Variants in ROBO2 observed in about 807,000 individuals in gnomAD.
The protein encoded by ROBO2 is roundabout guidance receptor 2, also known as roundabout homolog 2.
ROBO2 carries 53 observed loss-of-function variants against 160.8 expected under a neutral mutation model. That is an observed-to-expected ratio of 0.33 (90% CI 0.26 to 0.41). The LOEUF is 0.41. ROBO2 is among the 10% of genes least tolerant of loss of function. The probability of loss-of-function intolerance (pLI) is 1.00; values close to 1 mark genes in which losing one functional copy is unlikely to be tolerated. For synonymous variants in ROBO2, 664 were observed against 611.7 expected (o/e 1.09, Z -1.26); for missense variants, 1,577 against 1,722.4 (o/e 0.92, Z 1.49).
intron 2 of ROBO2, among the ~76,000 whole-genome samples, chr3:77,236,378 G>A (rs2087980630): frequency 6.6e-6 from 1 of 152,148 alleles, no homozygotes; most frequent in Non-Finnish European, 1.5e-5. Flanking sequence ...CGGACTTAAG[G>A]TCTGTGCCAG....
intron 2 of ROBO2, among the ~76,000 whole-genome samples, chr3:76,556,382 T>C (rs1191104040): frequency 2.6e-5 from 4 of 152,102 alleles, no homozygotes; most frequent in Admixed American, 2.0e-4. Flanking sequence ...TAATACTCAA[T>C]CAAAGTAAAA....
chr3:76,266,702 GGGGCTT>G (rs1374746480), intron 2 of ROBO2, among the ~76,000 whole-genome samples: 4 of 152,092 alleles, frequency 2.6e-5, no homozygotes, highest in Non-Finnish European at 5.9e-5. Flanking sequence ...TTATGACAGT[GGGGCTT>G]GGGCAAGTCT....
chr3:76,388,055 C>T (rs1272702496), intron 2 of ROBO2, among the ~76,000 whole-genome samples: 2 of 152,122 alleles, frequency 1.3e-5, no homozygotes, highest in Non-Finnish European at 2.9e-5. Flanking sequence ...GGTAAACATA[C>T]TGTGGATTAG....
chr3:76,219,617 C>T (rs1292202937), intron 2 of ROBO2, among the ~76,000 whole-genome samples: 1 of 152,124 alleles, frequency 6.6e-6, no homozygotes, highest in Admixed American at 6.5e-5. Flanking sequence ...CAAATCAAAA[C>T]CACAGTGAGA....
chr3:77,470,592 A>G (rs1386262655), intron 2 of ROBO2, among the ~76,000 whole-genome samples: 1 of 152,208 alleles, frequency 6.6e-6, no homozygotes, highest in Non-Finnish European at 1.5e-5. Flanking sequence ...ATTATCATAG[A>G]ACAAGTTATT....
At chr3:77,103,407 CT>C (rs11409908) in intron 2 of ROBO2, among the ~76,000 whole-genome samples, 4,541 of 146,694 alleles carry the variant, frequency 0.031, 130 homozygotes, top group East Asian at 0.13. Flanking sequence ...AGAAACCAAT[CT>C]TTTTTTTTTT....
chr3:77,134,903 T>A (rs748793428), intron 2 of ROBO2, among the ~76,000 whole-genome samples: 72 of 152,192 alleles, frequency 4.7e-4, no homozygotes, highest in Non-Finnish European at 7.3e-4. Context: ...TGGATCATAG[T>A]GATTATGATA....
At chr3:75,960,552 C>A (rs1948874171) in intron 2 of ROBO2, among the ~76,000 whole-genome samples, 1 of 151,692 alleles carries the variant, frequency 6.6e-6, no homozygotes, top group Non-Finnish European at 1.5e-5. Context: ...TTAATAAAAG[C>A]TCAAATTTTC....
chr3:76,438,390 T>C (rs1461836500), intron 2 of ROBO2, among the ~76,000 whole-genome samples: 4 of 145,196 alleles, frequency 2.8e-5, no homozygotes, highest in African/African-American at 1.1e-4. Flanking sequence ...TTTGACTTTT[T>C]AATTTTTAAT....
At chr3:77,191,960 T>C (rs111780891) in intron 2 of ROBO2, among the ~76,000 whole-genome samples, 64 of 152,296 alleles carry the variant, frequency 4.2e-4, no homozygotes, top group African/African-American at 1.5e-3. Context: ...TGATTGTAGA[T>C]AGTACACAGC....
intron 2 of ROBO2, among the ~76,000 whole-genome samples, chr3:76,177,117 T>G (rs560533813): frequency 5.8e-4 from 89 of 152,280 alleles, no homozygotes; most frequent in Non-Finnish European, 1.1e-3. Context: ...GTACTTCTCG[T>G]TATTCTCACT....
chr3:76,792,693 C>T (rs969550143), intron 2 of ROBO2, among the ~76,000 whole-genome samples: 5 of 151,292 alleles, frequency 3.3e-5, no homozygotes, highest in South Asian at 2.1e-4. Flanking sequence ...AACAAGGAGA[C>T]GATGTTGGTT....
At chr3:77,406,731 A>G (rs1267479965) in intron 2 of ROBO2, among the ~76,000 whole-genome samples, 2 of 152,086 alleles carry the variant, frequency 1.3e-5, no homozygotes, top group Non-Finnish European at 2.9e-5. Context: ...GTTCTAGGCT[A>G]TGGTGCCCCT....
At chr3:76,251,973 T>C (rs62268403) in intron 2 of ROBO2, among the ~76,000 whole-genome samples, 24,679 of 151,956 alleles carry the variant, frequency 0.16, 2,706 homozygotes, top group East Asian at 0.42. Context: ...AACAATGATA[T>C]GTTGTTGCTA....
chr3:75,979,382 G>A (rs1167218471), intron 2 of ROBO2, among the ~76,000 whole-genome samples: 3 of 151,452 alleles, frequency 2.0e-5, no homozygotes, highest in Non-Finnish European at 4.4e-5. Context: ...AGACAGGCAG[G>A]GGAAGTGCTG....
intron 2 of ROBO2, among the ~76,000 whole-genome samples, chr3:76,680,463 C>T (rs2092530736): frequency 6.6e-6 from 1 of 151,342 alleles, no homozygotes; most frequent in Non-Finnish European, 1.5e-5. Flanking sequence ...TAACTCCTAA[C>T]ATTGCTGATT....
intron 2 of ROBO2, among the ~76,000 whole-genome samples, chr3:76,699,585 C>T (rs1397549418): frequency 6.6e-6 from 1 of 152,158 alleles, no homozygotes; most frequent in East Asian, 1.9e-4. Flanking sequence ...GCAATGTAAT[C>T]TGAAGAACGT....
intron 2 of ROBO2, among the ~76,000 whole-genome samples, chr3:76,461,776 T>C (rs1334680075): frequency 6.6e-6 from 1 of 152,188 alleles, no homozygotes; most frequent in Non-Finnish European, 1.5e-5. Context: ...TAAATTAATA[T>C]TGTTGCCCCA....
At chr3:76,678,629 C>T (rs1052491680) in intron 2 of ROBO2, among the ~76,000 whole-genome samples, 12 of 151,968 alleles carry the variant, frequency 7.9e-5, no homozygotes, top group South Asian at 6.2e-4. Flanking sequence ...TTATTTGAAA[C>T]ATTTTTATAG....
Sources: gnomAD v4.1 joint callset for allele counts (sites outside exome capture counted in the v4.1 genomes callset) on GRCh38, gnomAD v4.1.1 for gene constraint, MANE v1.5 for transcripts, NCBI Gene and HGNC (gene_info 2026-07-23, HGNC 2026-07-21) for gene names.